The following CNIH3 variants were observed in gnomAD, a reference collection of about 807,000 sequenced individuals.
CNIH3 encodes the protein protein cornichon homolog 3.
CNIH3 carries 14 observed loss-of-function variants against 24.1 expected under a neutral mutation model. The ratio of observed to expected loss-of-function variants is 0.58; its 90% CI spans 0.38 to 0.91. The LOEUF is 0.91. Ranked by LOEUF, CNIH3 falls within the 40% of genes least tolerant of loss-of-function variation. CNIH3 has a pLI of 0.00. For missense variants in CNIH3, 178 were observed against 196.8 expected (o/e 0.90, Z 0.57); for synonymous variants, 68 against 73.8 (o/e 0.92, Z 0.40).
chr1:224,616,100 G>A, upstream of CNIH3: 1 of 155,930 alleles, frequency 6.4e-6, no homozygotes, highest in Non-Finnish European at 1.4e-5. Flanking sequence ...AGCCCTGCTT[G>A]TACTGCTGGC....
At chr1:224,475,372 G>A (rs868505296) in intron 1 of CNIH3, among the ~76,000 whole-genome samples, 66 of 143,854 alleles carry the variant, frequency 4.6e-4, no homozygotes, top group Middle Eastern at 3.8e-3. Flanking sequence ...AAAAAGAAAA[G>A]AAAAGAAAAG....
At chr1:224,572,578 A>G (rs189724284) in intron 4 of CNIH3, among the ~76,000 whole-genome samples, 23 of 151,140 alleles carry the variant, frequency 1.5e-4, no homozygotes, top group African/African-American at 3.2e-4. Context: ...TACTACAGCA[A>G]TCCTGTTGGA....
chr1:224,721,002 G>A (rs1280963079), intron 3 of CNIH3, among the ~76,000 whole-genome samples: 2 of 152,064 alleles, frequency 1.3e-5, no homozygotes, highest in South Asian at 2.1e-4. Context: ...TTGAGAGGCC[G>A]TCACCTCCAA....
chr1:224,454,223 G>A (rs1675549421), intron 1 of CNIH3: 17 of 837,362 alleles, frequency 2.0e-5, no homozygotes, highest in Non-Finnish European at 2.4e-5. Flanking sequence ...AATATTGTGA[G>A]TAGTATCATT....
Position 224,510,328 on chromosome 1 carries a change from G to A in CNIH3, n.204-5413G>A, listed in dbSNP as rs111874210. Among the ~76,000 whole-genome samples, 401 of 152,246 alleles carry A rather than the reference G, an allele frequency of 2.6e-3. 2 individuals carry two copies. The highest frequency in any genetic ancestry group is 9.4e-3 in the African/African-American group (389 of 41,544). ...GATGGGCAGGCATGGAGTGTCAGTA[G>A]GGGCGCCCCGTGGTCAGCGTTGTGT... On this transcript the variant is annotated intron_variant and non_coding_transcript_variant, in intron 1 of 5. Transcript: ENST00000471578.
At chr1:224,637,580 G>C (rs1410488051) in intron 1 of CNIH3, among the ~76,000 whole-genome samples, 1 of 152,128 alleles carries the variant, frequency 6.6e-6, no homozygotes, top group Non-Finnish European at 1.5e-5. Context: ...GAAGATCTTT[G>C]TTAACCACCA....
chr1:224,435,515 C>T (rs1674614499), intron 1 of CNIH3, among the ~76,000 whole-genome samples: 1 of 152,134 alleles, frequency 6.6e-6, no homozygotes, highest in Non-Finnish European at 1.5e-5. Flanking sequence ...GCTGTTGAGG[C>T]TTCACTCTTT....
chr1:224,689,257 A>G (rs966744382), intron 3 of CNIH3, among the ~76,000 whole-genome samples: 2 of 152,230 alleles, frequency 1.3e-5, no homozygotes, highest in Non-Finnish European at 2.9e-5. Context: ...CCGTGCTCAT[A>G]GAGGTGTGTG....
chr1:224,567,352 T>C (rs2124993845), intron 4 of CNIH3, among the ~76,000 whole-genome samples: 1 of 152,348 alleles, frequency 6.6e-6, no homozygotes, highest in East Asian at 1.9e-4. Context: ...TCTTTTACTG[T>C]GCAGAAGCGC....
chr1:224,669,865 C>T (rs74636502), intron 1 of CNIH3, among the ~76,000 whole-genome samples: 6,379 of 152,138 alleles, frequency 0.042, 212 homozygotes, highest in East Asian at 0.14. Context: ...ACAAATGAGG[C>T]AGAATTTGGA....
chr1:224,466,052 C>T (rs937053636), intron 1 of CNIH3, among the ~76,000 whole-genome samples: 3 of 152,058 alleles, frequency 2.0e-5, no homozygotes, highest in African/African-American at 7.2e-5. Context: ...AAACGAAAAA[C>T]AAAAACCCAG....
At chr1:224,614,202 A>C (rs1455069384), upstream of CNIH3, among the ~76,000 whole-genome samples, 1 of 152,212 alleles carries the variant, frequency 6.6e-6, no homozygotes, top group African/African-American at 2.4e-5. Context: ...ATAGCAATGC[A>C]AGAACGGCCT....
intron 3 of CNIH3, among the ~76,000 whole-genome samples, chr1:224,605,672 C>T (rs1682386254): frequency 6.6e-6 from 1 of 152,144 alleles, no homozygotes; most frequent in African/African-American, 2.4e-5. Context: ...TTCTGACAAC[C>T]AGATGGCCCC....
chr1:224,684,031 A>G lies in CNIH3; in HGVS notation c.151-765A>G, dbSNP rs1313115042. Among the ~76,000 whole-genome samples, 1 of 152,206 alleles carries G rather than the reference A, an allele frequency of 6.6e-6. No individual in the cohort carries two copies. The highest frequency in any genetic ancestry group is 1.5e-5 in the Non-Finnish European group (1 of 68,036). ...CAGAGCCATGAGGAATCTCATTACC[A>G]TTCCATCTACAGCAACCAAATTGCC... On this transcript the variant is annotated intron_variant, in intron 2 of 5. Transcript: ENST00000272133. This position sits in a 1 kb window ranked among gnomAD's most constrained non-coding sequence, Gnocchi z 4.2.
chr1:224,467,274 A>G (rs902869881), intron 1 of CNIH3, among the ~76,000 whole-genome samples: 1 of 152,198 alleles, frequency 6.6e-6, no homozygotes, highest in Non-Finnish European at 1.5e-5. Flanking sequence ...GACTCAAGCC[A>G]TCTGCCCACC....
In CNIH3 at chr1:224,643,616, A is replaced by T. The variant is rs148241351; in HGVS notation, c.81+26361A>T. On this transcript the variant is annotated intron_variant, in intron 1 of 5. Coordinates refer to ENST00000272133, the MANE Select transcript of CNIH3 (RefSeq NM_152495.2). ...TTTCCTTAGTTCAGCTAAAGATGGG[A>T]TCCTCGTCACACAGCCACAGAAAAT... is the stretch of plus-strand genomic sequence containing the variant. Among the ~76,000 whole-genome samples the T allele has an allele frequency of 2.2e-3, 335 of 152,264 alleles. 1 individual carries two copies. The highest frequency in any genetic ancestry group is 4.0e-3 in the Non-Finnish European group (274 of 68,012).
upstream of CNIH3, among the ~76,000 whole-genome samples, chr1:224,614,737 A>C (rs766319580): frequency 6.6e-6 from 1 of 152,016 alleles, no homozygotes; most frequent in Non-Finnish European, 1.5e-5. Flanking sequence ...TCACGAGGTC[A>C]AGAGATCGAG....
chr1:224,556,248 G>A (rs1680136731), intron 3 of CNIH3, among the ~76,000 whole-genome samples: 1 of 151,544 alleles, frequency 6.6e-6, no homozygotes, highest in African/African-American at 2.4e-5. Context: ...TGGTTTACTA[G>A]GTAATCTGGA....
intron 1 of CNIH3, among the ~76,000 whole-genome samples, chr1:224,477,122 C>T (rs918405187): frequency 1.3e-5 from 2 of 152,172 alleles, no homozygotes; most frequent in Admixed American, 1.3e-4. Flanking sequence ...CCCCATGAGC[C>T]TCCCCATTGA....
Sources: gnomAD v4.1 joint callset for allele counts (sites outside exome capture counted in the v4.1 genomes callset) on GRCh38, gnomAD v4.1.1 for gene constraint, Gnocchi (gnomAD v3.1) non-coding constraint, MANE v1.5 for transcripts, NCBI Gene and HGNC (gene_info 2026-07-23, HGNC 2026-07-21) for gene names.